The following FNDC3A variants were observed in gnomAD, a reference collection of about 807,000 sequenced individuals.
FNDC3A encodes fibronectin type III domain containing 3A.
Under a neutral mutation model 148.9 loss-of-function variants are expected in FNDC3A, and 32 were observed. The ratio of observed to expected loss-of-function variants is 0.21; its 90% CI spans 0.16 to 0.29. FNDC3A has a LOEUF of 0.29. FNDC3A is among the 10% of genes least tolerant of loss of function. The pLI is 1.00. For synonymous variants in FNDC3A, 472 were observed against 473.6 expected, an observed-to-expected ratio of 1.00 and a Z score of 0.04; for missense variants, 1,191 against 1,452.8, an observed-to-expected ratio of 0.82 and a Z score of 2.93.
At chr13:49,062,202 A>G (rs1876946702) in intron 2 of FNDC3A, among the ~76,000 whole-genome samples, 1 of 152,204 alleles carries the variant, frequency 6.6e-6, no homozygotes. Flanking sequence ...AAAACCATTT[A>G]CCAAAAAGAG....
At chr13:49,088,788 C>T (rs1328621669) in intron 3 of FNDC3A, among the ~76,000 whole-genome samples, 2 of 151,950 alleles carry the variant, frequency 1.3e-5, no homozygotes, top group South Asian at 2.1e-4. Context: ...TGGTCTTGAA[C>T]TCGTAGCCTC....
chr13:49,170,306 T>C (rs1225967319), intron 10 of FNDC3A, among the ~76,000 whole-genome samples: 1 of 152,158 alleles, frequency 6.6e-6, no homozygotes, highest in Non-Finnish European at 1.5e-5. Context: ...ATAATGAGCG[T>C]AATAACTATT....
intron 2 of FNDC3A, among the ~76,000 whole-genome samples, chr13:49,036,007 A>G (rs1446298214): frequency 6.6e-6 from 1 of 152,140 alleles, no homozygotes; most frequent in Non-Finnish European, 1.5e-5. Flanking sequence ...GATCTAGCCA[A>G]GTATAGATAA....
chr13:49,057,921 C>A (rs1876369878), intron 2 of FNDC3A, among the ~76,000 whole-genome samples: 1 of 152,098 alleles, frequency 6.6e-6, no homozygotes, highest in Non-Finnish European at 1.5e-5. Flanking sequence ...ATACTATGGA[C>A]TGAATTGTAT....
intron 13 of FNDC3A, among the ~76,000 whole-genome samples, chr13:49,176,813 T>G (rs545526846): frequency 6.6e-6 from 1 of 152,278 alleles, no homozygotes; most frequent in East Asian, 1.9e-4. Flanking sequence ...TCTTTTTTTT[T>G]CTTTTGCAAC....
intron 2 of FNDC3A, among the ~76,000 whole-genome samples, chr13:49,064,309 A>G (rs752149559): frequency 3.3e-5 from 5 of 151,752 alleles, no homozygotes; most frequent in Non-Finnish European, 5.9e-5. Context: ...CCATTGCACT[A>G]CAGCCTGGGC....
chr13:49,152,667 C>A (rs1019054464), intron 8 of FNDC3A, among the ~76,000 whole-genome samples: 1 of 149,898 alleles, frequency 6.7e-6, no homozygotes, highest in Non-Finnish European at 1.5e-5. Flanking sequence ...ACCCCTCCCC[C>A]CTACCCCCAC....
intron 1 of FNDC3A, among the ~76,000 whole-genome samples, chr13:48,999,127 A>T (rs921811651): frequency 1.1e-4 from 16 of 152,196 alleles, no homozygotes; most frequent in Non-Finnish European, 2.4e-4. Context: ...AGAGTGCTGC[A>T]TGGTCAGGGC....
intron 25 of FNDC3A, among the ~76,000 whole-genome samples, chr13:49,203,922 C>T (rs1886531329): frequency 6.6e-6 from 1 of 152,238 alleles, no homozygotes. Context: ...CATAATAGGC[C>T]ATACTGTGGC....
At chr13:49,193,897 C>T (rs536838427) in intron 19 of FNDC3A, among the ~76,000 whole-genome samples, 8 of 151,152 alleles carry the variant, frequency 5.3e-5, no homozygotes, top group Non-Finnish European at 1.0e-4. Flanking sequence ...CCAGCCTGGG[C>T]GACAGAGTGA....
At chr13:49,138,499 T>A (rs1882508679) in intron 6 of FNDC3A, among the ~76,000 whole-genome samples, 1 of 152,136 alleles carries the variant, frequency 6.6e-6, no homozygotes, top group Non-Finnish European at 1.5e-5. Flanking sequence ...GATATAGCTA[T>A]GTCTAAATAT....
Position 49,197,747 on chromosome 13 carries a change from A to G in FNDC3A, c.2363A>G (p.Asp788Gly). Residue 788 changes from aspartate (D) to glycine (G), a missense_variant, in exon 21 of 26, where the codon GAT (aspartate) becomes GGT (glycine). Transcript: ENST00000492622. ...AAGGTTCCTTTGAGTAATGGAACAG[A>G]TGTCACTGAATATCGACTGGAGTGG... is the stretch of plus-strand genomic sequence containing the variant. ...NWEVPLSNGT[D>G]VTEYRLEWGG... 1.2e-6 allele frequency: 2 copies of G among 1,610,506 alleles called. No individual in the cohort carries two copies. The highest frequency in any genetic ancestry group is 1.7e-6 in the Non-Finnish European group (2 of 1,179,166).
intron 8 of FNDC3A, among the ~76,000 whole-genome samples, chr13:49,158,936 G>A (rs568764537): frequency 2.6e-5 from 4 of 152,258 alleles, no homozygotes; most frequent in Non-Finnish European, 5.9e-5. Flanking sequence ...TTGTAGATAT[G>A]TGGTATTATT....
chr13:49,169,153 A>G (rs943844176), intron 10 of FNDC3A, among the ~76,000 whole-genome samples: 1 of 152,242 alleles, frequency 6.6e-6, no homozygotes, highest in African/African-American at 2.4e-5. Context: ...GTTATTGTCA[A>G]TAGAAAAATA....
chr13:49,013,647 T>C (rs1414682006), intron 2 of FNDC3A, among the ~76,000 whole-genome samples: 2 of 149,992 alleles, frequency 1.3e-5, no homozygotes, highest in Admixed American at 6.7e-5. Context: ...CATGTACATG[T>C]GTATACATGT....
chr13:49,172,447 G>A (rs1023138377), intron 11 of FNDC3A, among the ~76,000 whole-genome samples: 1 of 152,012 alleles, frequency 6.6e-6, no homozygotes, highest in African/African-American at 2.4e-5. Context: ...TTTTCTGGAG[G>A]CCAGAAATCC....
At chr13:49,054,116 C>G (rs1876055413) in intron 2 of FNDC3A, among the ~76,000 whole-genome samples, 1 of 152,088 alleles carries the variant, frequency 6.6e-6, no homozygotes, top group African/African-American at 2.4e-5. Flanking sequence ...CATGTCTAAC[C>G]ACTCCTTTCG....
chr13:49,081,087 G>A (rs566482063), intron 3 of FNDC3A, among the ~76,000 whole-genome samples: 3 of 152,328 alleles, frequency 2.0e-5, no homozygotes, highest in South Asian at 2.1e-4. Context: ...ACAAGTAGAT[G>A]TGTTATAGCC....
chr13:49,101,027 A>T (rs1199762289), intron 3 of FNDC3A, among the ~76,000 whole-genome samples: 3 of 152,212 alleles, frequency 2.0e-5, no homozygotes, highest in Non-Finnish European at 4.4e-5. Context: ...TGAGATATGC[A>T]GGTTGATTAA....
Sources: gnomAD v4.1 joint callset for allele counts (sites outside exome capture counted in the v4.1 genomes callset) on GRCh38, gnomAD v4.1.1 for gene constraint, MANE v1.5 for transcripts, NCBI Gene and HGNC (gene_info 2026-07-23, HGNC 2026-07-21) for gene names.